Variants in ERP27 observed in about 807,000 individuals in gnomAD.
ERP27 encodes endoplasmic reticulum protein 27, also known as endoplasmic reticulum resident protein 27.
A neutral mutation model predicts 27.7 loss-of-function variants in ERP27; 23 were observed. The ratio of observed to expected loss-of-function variants is 0.83; its 90% confidence interval spans 0.60 to 1.18. The LOEUF (loss-of-function observed/expected upper bound fraction) is 1.18, where lower values mean the gene tolerates loss of function less well. Among genes scored for constraint, ERP27 ranks in the 50% most tolerant of loss-of-function variants. ERP27 has a pLI of 0.00. For missense variants in ERP27, 363 were observed against 327.9 expected (o/e 1.11, Z -0.83); for synonymous variants, 159 against 118.3 (o/e 1.34, Z -2.23).
intron 3 of ERP27, among the ~76,000 whole-genome samples, chr12:14,930,450 C>G (rs959717920): frequency 6.6e-6 from 1 of 152,186 alleles, no homozygotes; most frequent in African/African-American, 2.4e-5. Context: ...GCAGGGTAAA[C>G]ATTCAAATAA....
At position 14,921,048 on chromosome 12, in the gene ERP27, C is replaced by T; in HGVS notation, c.334G>A (p.Val112Ile). 6.2e-7 allele frequency: 1 copy of T among 1,611,188 alleles called. No homozygotes were observed. The highest frequency in any genetic ancestry group is 1.7e-4 in the Middle Eastern group (1 of 6,052). The change falls in exon 4 of 7, where the codon GTA (valine) becomes ATA (isoleucine). Residue 112 changes from valine (V) to isoleucine (I), a missense_variant and splice_region_variant. Val to Ile is a conservative substitution (Grantham distance 29, BLOSUM62 3). Transcript: ENST00000266397. ...TGNTICLFRL[V>I]DNEQLNLEDE... The stretch of plus-strand genomic sequence containing the variant: ...TCTAAATTCAGTTGTTCATTGTCTA[C>T]CTGGATAACACAAAAAAGAATGAAG...
chr12:14,934,437 G>A (rs1863745021), intron 3 of ERP27, among the ~76,000 whole-genome samples: 1 of 152,016 alleles, frequency 6.6e-6, no homozygotes, highest in South Asian at 2.1e-4. Flanking sequence ...CTTGCATAGG[G>A]CATACAGGAA....
intron 4 of ERP27, among the ~76,000 whole-genome samples, chr12:14,918,594 C>T (rs1280427267): frequency 6.6e-6 from 1 of 152,110 alleles, no homozygotes; most frequent in Non-Finnish European, 1.5e-5. Flanking sequence ...AGCATTGCTA[C>T]AAAACTAGTG....
At chr12:14,919,183 C>T (rs941904319) in intron 4 of ERP27, among the ~76,000 whole-genome samples, 1 of 152,086 alleles carries the variant, frequency 6.6e-6, no homozygotes, top group African/African-American at 2.4e-5. Context: ...GGCAGTTCTC[C>T]AAATGAGAAA....
At chr12:14,917,414 A>T in intron 4 of ERP27, 111 bp from the exon 5 acceptor site, 8 of 1,422,870 alleles carry the variant, frequency 5.6e-6, no homozygotes, top group Non-Finnish European at 6.8e-6. Flanking sequence ...GCCACTGGTA[A>T]CACAAATGGA....
chr12:14,935,130 C>G, intron 2 of ERP27, 137 bp from the exon 3 acceptor site: 2 of 1,451,800 alleles, frequency 1.4e-6, no homozygotes, highest in Non-Finnish European at 1.8e-6. Flanking sequence ...TGATTTACCC[C>G]TAACAATTCA....
chr12:14,933,984 C>T (rs536977587), intron 3 of ERP27, among the ~76,000 whole-genome samples: 7 of 152,312 alleles, frequency 4.6e-5, no homozygotes, highest in African/African-American at 1.7e-4. Context: ...CATTTCTGTT[C>T]ATGTTACTCC....
chr12:14,915,396 C>T, intron 6 of ERP27, 93 bp downstream of exon 6: 1 of 1,369,538 alleles, frequency 7.3e-7, no homozygotes, highest in Non-Finnish European at 1.0e-6. Context: ...TTTTGCTCTC[C>T]TCCCTCTCTG....
Position 14,917,078 on chromosome 12 carries a change from T to C in ERP27, c.576+100A>G, listed in dbSNP as rs962550855. On this transcript the variant is annotated intron_variant, in intron 5 of 6. Transcript: ENST00000266397. The stretch of plus-strand genomic sequence containing the variant: ...TTCTTGCTTTGCTATCTCCTAACCA[T>C]AGTTGTTTTCCTTATTTATCTCTGC... 3.5e-5 allele frequency: 49 copies of C among 1,406,748 alleles called. No individual in the cohort carries two copies. The South Asian group carries it at 4.5e-4, about 13-fold the overall frequency. 87.1% of individuals were successfully genotyped at this position (1,406,748 alleles called of 1,614,324 possible).
intron 4 of ERP27, among the ~76,000 whole-genome samples, chr12:14,919,624 T>C (rs1863468755): frequency 6.6e-6 from 1 of 152,122 alleles, no homozygotes; most frequent in Admixed American, 6.6e-5. Context: ...GTGTTTCCTG[T>C]TGAAGGCAGT....
At chr12:14,938,308 A>T in intron 1 of ERP27, 107 bp downstream of exon 1, 1 of 1,187,896 alleles carries the variant, frequency 8.4e-7, no homozygotes, top group Non-Finnish European at 1.2e-6. Context: ...ATTTCCTGGA[A>T]AGCTTTCTAG....
At chr12:14,917,036 G>T in intron 5 of ERP27, 142 bp downstream of exon 5, 1 of 895,492 alleles carries the variant, frequency 1.1e-6, no homozygotes, top group Non-Finnish European at 1.7e-6. Flanking sequence ...CAAATAATGT[G>T]ATTTATTATG....
chr12:14,922,943 C>A (rs887097424), intron 3 of ERP27, among the ~76,000 whole-genome samples: 7 of 152,028 alleles, frequency 4.6e-5, no homozygotes, highest in African/African-American at 1.4e-4. Context: ...GTGGTGCACG[C>A]CTGTAATGCC....
In ERP27 at chr12:14,914,577, T is replaced by TGTGTGTGTGTGTGC; in HGVS notation, c.*157_*158insGCACACACACACAC. The TGTGTGTGTGTGTGC allele has an allele frequency of 1.8e-6, 1 of 541,916 alleles. No individual in the cohort carries two copies. The highest frequency in any genetic ancestry group is 2.5e-5 in the South Asian group (1 of 40,168). The allele number at this position is 541,916 out of a possible 1,614,324, so 33.6% of individuals were successfully genotyped here. On this transcript the variant is annotated 3_prime_UTR_variant, in exon 7 of 7. Transcript: ENST00000266397. ...GAAGCTCTGTGTGTGTGTGTGTGTG[T>TGTGTGTGTGTGTGC]GCGTGTGTGTGTGCACGCGTGCGTG...
At chr12:14,928,699 T>TA (rs1863649285) in intron 3 of ERP27, among the ~76,000 whole-genome samples, 1 of 152,040 alleles carries the variant, frequency 6.6e-6, no homozygotes, top group Non-Finnish European at 1.5e-5. Context: ...AACCACAGGG[T>TA]AAAAATGAAC....
intron 2 of ERP27, among the ~76,000 whole-genome samples, chr12:14,936,027 G>A (rs1863768180): frequency 6.6e-6 from 1 of 152,072 alleles, no homozygotes; most frequent in Non-Finnish European, 1.5e-5. Flanking sequence ...CGGCCAAGAT[G>A]TACTTTAGGA....
intron 3 of ERP27, among the ~76,000 whole-genome samples, chr12:14,924,174 G>A (rs988876882): frequency 6.6e-6 from 1 of 152,044 alleles, no homozygotes; most frequent in African/African-American, 2.4e-5. Context: ...AATGTCCTCT[G>A]GGTCTATCTG....
chr12:14,919,465 T>G (rs1429287639), intron 4 of ERP27, among the ~76,000 whole-genome samples: 2 of 152,116 alleles, frequency 1.3e-5, no homozygotes. Flanking sequence ...TGGCCCCACA[T>G]GCAGAAGAAC....
chr12:14,921,294 G>T (rs1046295189), intron 3 of ERP27, among the ~76,000 whole-genome samples: 4 of 152,206 alleles, frequency 2.6e-5, no homozygotes, highest in African/African-American at 9.6e-5. Flanking sequence ...ACCTATGGAA[G>T]AGCAGAAAAG....
Sources: gnomAD v4.1 joint callset for allele counts (sites outside exome capture counted in the v4.1 genomes callset) on GRCh38, gnomAD v4.1.1 for gene constraint, MANE v1.5 for transcripts, NCBI Gene and HGNC (gene_info 2026-07-23, HGNC 2026-07-21) for gene names.